ALDH1A2: variants seen among roughly 807,000 people sequenced by gnomAD.
ALDH1A2 encodes aldehyde dehydrogenase 1 family member A2, also known as retinal dehydrogenase 2.
ALDH1A2 carries 27 observed loss-of-function variants against 60.3 expected under a neutral mutation model. The ratio of observed to expected loss-of-function variants is 0.45; its 90% CI spans 0.33 to 0.62. ALDH1A2 has a LOEUF of 0.62. Among genes scored for constraint, ALDH1A2 ranks in the 20% least tolerant of loss-of-function variants. The pLI, the probability that ALDH1A2 is intolerant of heterozygous loss-of-function variation, is 0.02. For missense variants in ALDH1A2, 581 were observed against 643.8 expected (o/e 0.90, Z 1.06); for synonymous variants, 289 against 232.4 (o/e 1.24, Z -2.21).
At chr15:57,994,911 C>T (rs1281079026) in intron 5 of ALDH1A2, among the ~76,000 whole-genome samples, 167 bp downstream of exon 5, 1 of 152,052 alleles carries the variant, frequency 6.6e-6, no homozygotes, top group Non-Finnish European at 1.5e-5. Flanking sequence ...TTAACCTGTT[C>T]AAATAAGCAT....
At chr15:57,957,661 C>T (rs1437119192) in intron 12 of ALDH1A2, among the ~76,000 whole-genome samples, 2 of 152,164 alleles carry the variant, frequency 1.3e-5, no homozygotes, top group Non-Finnish European at 2.9e-5. Context: ...ATTTAGAAGA[C>T]TAGGTTCTAG....
intron 1 of ALDH1A2, among the ~76,000 whole-genome samples, chr15:58,037,169 G>A (rs1357518720): frequency 1.3e-5 from 2 of 151,598 alleles, no homozygotes; most frequent in Admixed American, 1.3e-4. Flanking sequence ...TAAGCAGCAA[G>A]GCCCCCAAAT....
At chr15:58,017,589 T>C (rs1421310161) in intron 1 of ALDH1A2, among the ~76,000 whole-genome samples, 1 of 152,132 alleles carries the variant, frequency 6.6e-6, no homozygotes, top group African/African-American at 2.4e-5. Flanking sequence ...TAGAGATCTG[T>C]TTAAAATCTG....
chr15:58,064,869 AAGT>A (rs1446471767), intron 1 of ALDH1A2, among the ~76,000 whole-genome samples: 25 of 152,262 alleles, frequency 1.6e-4, no homozygotes, highest in Non-Finnish European at 1.5e-4. Context: ...AAAAAAAAAA[AAGT>A]AAGTTCTTCA....
intron 1 of ALDH1A2, among the ~76,000 whole-genome samples, chr15:58,062,301 T>C (rs956230337): frequency 6.6e-6 from 1 of 151,234 alleles, no homozygotes; most frequent in Non-Finnish European, 1.5e-5. Context: ...AGCACAACGA[T>C]CTGGGGGAGG....
At chr15:57,958,969 T>C (rs1253750296) in intron 12 of ALDH1A2, among the ~76,000 whole-genome samples, 4 of 152,152 alleles carry the variant, frequency 2.6e-5, no homozygotes, top group Non-Finnish European at 5.9e-5. Flanking sequence ...CTTCGGTCTC[T>C]TGAGCACTGT....
chr15:58,044,929 T>C (rs1200660051), intron 1 of ALDH1A2, among the ~76,000 whole-genome samples: 1 of 151,940 alleles, frequency 6.6e-6, no homozygotes, highest in East Asian at 1.9e-4. Flanking sequence ...CCCTTCTCTG[T>C]AGAATCTCGG....
At chr15:57,961,038 CTTTTGG>C (rs1893700258) in intron 11 of ALDH1A2, 93 bp downstream of exon 11, 1 of 1,528,806 alleles carries the variant, frequency 6.5e-7, no homozygotes, top group South Asian at 1.1e-5. Context: ...ACTTTGGTTG[CTTTTGG>C]TATTCCCCAT....
intron 7 of ALDH1A2, chr15:57,991,322 T>A (rs1894889484): frequency 6.6e-6 from 1 of 152,222 alleles, no homozygotes; most frequent in Admixed American, 6.5e-5. Context: ...AATATTTCAT[T>A]AAACTGCAAA....
intron 1 of ALDH1A2, among the ~76,000 whole-genome samples, chr15:58,052,512 C>CTGCA (rs1302057505): frequency 1.3e-5 from 2 of 152,050 alleles, no homozygotes; most frequent in Non-Finnish European, 2.9e-5. Flanking sequence ...GTCGCCCAGG[C>CTGCA]TGCAGTGCAG....
At chr15:58,023,625 G>C (rs1432171773) in intron 1 of ALDH1A2, among the ~76,000 whole-genome samples, 1 of 134,972 alleles carries the variant, frequency 7.4e-6, no homozygotes, top group Admixed American at 8.1e-5. Context: ...TTACAGGCCA[G>C]AAGAGAATGA....
At chr15:58,021,210 T>C (rs1895916618) in intron 1 of ALDH1A2, among the ~76,000 whole-genome samples, 1 of 152,234 alleles carries the variant, frequency 6.6e-6, no homozygotes, top group South Asian at 2.1e-4. Flanking sequence ...AATATATTTC[T>C]ATTAACTTTT....
chr15:57,955,911 A>G (rs1424398104), intron 12 of ALDH1A2, among the ~76,000 whole-genome samples: 4 of 152,060 alleles, frequency 2.6e-5, no homozygotes, highest in African/African-American at 9.7e-5. Context: ...CTATTTCATT[A>G]TAAAATCACG....
intron 4 of ALDH1A2, among the ~76,000 whole-genome samples, chr15:58,008,939 C>G (rs2140512091): frequency 6.6e-6 from 1 of 152,180 alleles, no homozygotes; most frequent in East Asian, 1.9e-4. Flanking sequence ...CTGTAATATC[C>G]TTAGAGTCAG....
At chr15:58,004,730 C>CAT (rs33963185) in intron 4 of ALDH1A2, among the ~76,000 whole-genome samples, 53,591 of 140,382 alleles carry the variant, frequency 0.38, 10,885 homozygotes, top group Non-Finnish European at 0.46. Context: ...TATATATATA[C>CAT]ATATATATAT....
intron 10 of ALDH1A2, 130 bp from the exon 11 acceptor site, chr15:57,961,424 A>G: frequency 8.7e-7 from 1 of 1,150,558 alleles, no homozygotes; most frequent in South Asian, 1.3e-5. Context: ...AAAACTGTAA[A>G]ATCTCCCAAC....
intron 1 of ALDH1A2, among the ~76,000 whole-genome samples, chr15:58,018,782 C>A (rs1323060408): frequency 6.6e-6 from 1 of 152,042 alleles, no homozygotes. Flanking sequence ...CAGGCAAATC[C>A]AAACTAAAGC....
At chr15:57,983,269 G>T (rs1894577419) in intron 7 of ALDH1A2, among the ~76,000 whole-genome samples, 1 of 152,194 alleles carries the variant, frequency 6.6e-6, no homozygotes, top group Admixed American at 6.5e-5. Context: ...AAATGATGTT[G>T]AGAATAAATG....
chr15:58,060,717 GTA>G (rs1306849914), intron 1 of ALDH1A2, among the ~76,000 whole-genome samples: 1 of 152,166 alleles, frequency 6.6e-6, no homozygotes, highest in Non-Finnish European at 1.5e-5. Flanking sequence ...GCCGCAGACA[GTA>G]TATAATTGAA....
Sources: gnomAD v4.1 joint callset for allele counts (sites outside exome capture counted in the v4.1 genomes callset) on GRCh38, gnomAD v4.1.1 for gene constraint, MANE v1.5 for transcripts, NCBI Gene and HGNC (gene_info 2026-07-23, HGNC 2026-07-21) for gene names.